Variants in TBC1D24 observed in about 807,000 individuals in gnomAD.
The protein encoded by TBC1D24 is TBC1 domain family member 24.
TBC1D24 carries 47 observed loss-of-function variants against 50.7 expected under a neutral mutation model. The observed-to-expected ratio is 0.93, with a 90% CI of 0.73 to 1.18. The LOEUF is 1.18. TBC1D24 is among the 50% of genes most tolerant of loss of function. The probability of loss-of-function intolerance (pLI) is 0.00; values close to 1 mark genes in which losing one functional copy is unlikely to be tolerated. For synonymous variants in TBC1D24, 324 were observed against 335.2 expected (o/e 0.97, Z 0.36); for missense variants, 688 against 766.5 (o/e 0.90, Z 1.21).
rs906069828 is a variant in TBC1D24 at position 2,487,506 on chromosome 16, G to A, written c.-115-8528G>A. Among the ~76,000 whole-genome samples the A allele has an allele frequency of 6.6e-5, 10 of 152,354 alleles. No homozygotes were observed. The highest frequency in any genetic ancestry group is 5.9e-4 in the Admixed American group (9 of 15,304). On this transcript the variant is annotated intron_variant, in intron 1 of 7. Transcript: ENST00000646147. This position sits in a 1 kb window ranked among gnomAD's most constrained non-coding sequence, Gnocchi z 4.1. ...TGTCTTTGTACATGAAAGAGAGTTT[G>A]TTTTCAAATCCGGTTGTTTGGGAAA...
rs2095330747 is a variant in TBC1D24 at position 2,483,103 on chromosome 16, AG to A, written c.-116+7940del. The stretch of plus-strand genomic sequence containing the variant: ...CCCCAGGAGGTGAGAGCCAGGACTG[AG>A]GGGGGGCCTTGGTCTGTGGTGGGAA... On this transcript the variant is annotated intron_variant, in intron 1 of 7. Coordinates refer to ENST00000646147, the MANE Select transcript of TBC1D24 (RefSeq NM_001199107.2). The surrounding 1 kb of genome is among the most constrained non-coding windows in gnomAD (Gnocchi z 4.0). 1.3e-5 allele frequency: 2 copies of A among 152,736 alleles called. No homozygotes were observed. The highest frequency in any genetic ancestry group is 2.4e-5 in the African/African-American group (1 of 41,356). The allele number at this position is 152,736 out of a possible 1,614,324, so 9.5% of individuals were successfully genotyped here. A position where few individuals can be genotyped will look rare whatever the true frequency, so the allele number is the denominator to read the frequency against.
Position 2,482,586 on chromosome 16 carries a change from G to T in TBC1D24, c.-116+7416G>T, listed in dbSNP as rs991832691. Among the ~76,000 whole-genome samples the T allele has an allele frequency of 4.6e-5, 7 of 152,156 alleles. No homozygotes were observed. The highest frequency in any genetic ancestry group is 1.0e-4 in the Non-Finnish European group (7 of 68,034). On this transcript the variant is annotated intron_variant, in intron 1 of 7. Coordinates refer to ENST00000646147, the MANE Select transcript of TBC1D24 (RefSeq NM_001199107.2). The surrounding 1 kb of genome is among the most constrained non-coding windows in gnomAD (Gnocchi z 5.2). ...AGGGGCTGGGTCCTGAAGGGCGGGG[G>T]ACACCAGGAGAGGGTTTCGGGTGGA... is the stretch of plus-strand genomic sequence containing the variant.
In TBC1D24 at chr16:2,475,148, T is replaced by G. The variant is rs2065554696; in HGVS notation, c.-138T>G. On this transcript the variant is annotated 5_prime_UTR_variant, in exon 1 of 8. Coordinates refer to ENST00000646147, the MANE Select transcript of TBC1D24 (RefSeq NM_001199107.2). The surrounding 1 kb of genome is among the most constrained non-coding windows in gnomAD (Gnocchi z 4.2). ...GCGCAGAAAGGCCGGCGCGGCAGGC[T>G]GAGGAGAAAGCGGCGCGCGGAGGTG... is the stretch of plus-strand genomic sequence containing the variant. 1 of 150,266 alleles carries G rather than the reference T, an allele frequency of 6.7e-6. No homozygotes were observed. Among genetic ancestry groups the G allele is most frequent in the African/African-American group, 2.4e-5 (1 of 40,992 alleles). The allele number at this position is 150,266 out of a possible 1,614,324, so 9.3% of individuals were successfully genotyped here.
chr16:2,489,915 C>G (rs899412026), intron 1 of TBC1D24, among the ~76,000 whole-genome samples: 1 of 152,230 alleles, frequency 6.6e-6, no homozygotes, highest in Non-Finnish European at 1.5e-5. Context: ...TTTCCCACTG[C>G]GCTTGGAATA....
At position 2,500,637 on chromosome 16, in the gene TBC1D24, A is replaced by C. The variant is rs2065785203; in HGVS notation, c.1525+147A>C. 2 of 1,295,098 alleles carry C rather than the reference A, an allele frequency of 1.5e-6. No homozygotes were observed. The highest frequency in any genetic ancestry group is 2.1e-6 in the Non-Finnish European group (2 of 952,112). 80.2% of individuals were successfully genotyped at this position (1,295,098 alleles called of 1,614,324 possible). A position where few individuals can be genotyped will look rare whatever the true frequency, so the allele number is the denominator to read the frequency against. On this transcript the variant is annotated intron_variant, in intron 7 of 7. Coordinates refer to ENST00000646147, the MANE Select transcript of TBC1D24 (RefSeq NM_001199107.2). This position sits in a 1 kb window ranked among gnomAD's most constrained non-coding sequence, Gnocchi z 8.0. ...GGCATGATGGGTGGGAGGGGGCTGG[A>C]AGGGAGAGACCAGCCTGGACAGCTG...
rs941566973 is a variant in TBC1D24, at chr16:2,487,427, C to T, written c.-115-8607C>T. ...GTCCCCAGGAAGGGAGGCACGGTGT[C>T]GGGGTTGGTGTTGGCCGTGTTAAAA... On this transcript the variant is annotated intron_variant, in intron 1 of 7. Coordinates refer to ENST00000646147, the MANE Select transcript of TBC1D24 (RefSeq NM_001199107.2). The surrounding 1 kb of genome is among the most constrained non-coding windows in gnomAD (Gnocchi z 4.1). Among the ~76,000 whole-genome samples the T allele has an allele frequency of 1.6e-4, 24 of 152,192 alleles. No individual in the cohort carries two copies. The highest frequency in any genetic ancestry group is 1.1e-3 in the Admixed American group (17 of 15,286).
chr16:2,498,929 C>T (rs896377574), intron 4 of TBC1D24, among the ~76,000 whole-genome samples: 1 of 152,262 alleles, frequency 6.6e-6, no homozygotes, highest in African/African-American at 2.4e-5. Context: ...ACAACTCAAG[C>T]ATTTTGGCAC....
rs998707315 is a variant in TBC1D24 at position 2,475,173 on chromosome 16, G to C, written c.-116+3G>C. 6.7e-6 allele frequency: 1 copy of C among 149,864 alleles called. No homozygotes were observed. Among genetic ancestry groups the C allele is most frequent in the African/African-American group, 2.4e-5 (1 of 41,094 alleles). The allele number at this position is 149,864 out of a possible 1,614,324, so 9.3% of individuals were successfully genotyped here. A position where few individuals can be genotyped will look rare whatever the true frequency, so the allele number is the denominator to read the frequency against. ...TGAGGAGAAAGCGGCGCGCGGAGGT[G>C]GGTGCGCTCGGGGCGTGCGGGGGGC... On this transcript the variant is annotated splice_donor_region_variant and intron_variant, in intron 1 of 7. Transcript: ENST00000646147. The surrounding 1 kb of genome is among the most constrained non-coding windows in gnomAD (Gnocchi z 4.2).
intron 3 of TBC1D24, 128 bp downstream of exon 3, chr16:2,497,855 G>A (rs1399766851): frequency 3.1e-5 from 29 of 939,332 alleles, no homozygotes; most frequent in South Asian, 2.1e-4. Flanking sequence ...CCTCTGAGCC[G>A]GACTGATGCT....
rs1400268258 is a variant in TBC1D24, at chr16:2,496,108, CT to C, written c.-39del. On this transcript the variant is annotated 5_prime_UTR_variant, in exon 2 of 8. Coordinates refer to ENST00000646147, the MANE Select transcript of TBC1D24 (RefSeq NM_001199107.2). ...GAGGATTTAGCCACTCTGTCCTCCC[CT>C]TCCGGCAGTCCAGGGCCTCCTCCCG... 1 of 1,612,398 alleles carries C rather than the reference CT, an allele frequency of 6.2e-7. No individual in the cohort carries two copies. Among genetic ancestry groups the C allele is most frequent in the East Asian group, 2.2e-5 (1 of 44,872 alleles).
At chr16:2,493,126 G>C (rs2065709673) in intron 1 of TBC1D24, among the ~76,000 whole-genome samples, 1 of 151,520 alleles carries the variant, frequency 6.6e-6, no homozygotes, top group South Asian at 2.1e-4. Flanking sequence ...GGCTAAAATG[G>C]TAAATTTTTT....
chr16:2,488,845 G>A (rs2065672382), intron 1 of TBC1D24, among the ~76,000 whole-genome samples: 1 of 147,342 alleles, frequency 6.8e-6, no homozygotes, highest in African/African-American at 2.5e-5. Flanking sequence ...TGGATCACGA[G>A]GTCAGGAGAT....
At chr16:2,497,157 G>A (rs751807071) in intron 2 of TBC1D24, 44 bp downstream of exon 2, 4 of 1,597,842 alleles carry the variant, frequency 2.5e-6, no homozygotes, top group South Asian at 1.1e-5. Flanking sequence ...AGGGTCGGGG[G>A]CTGGGGCAGG....
At position 2,505,141 on chromosome 16, in the gene TBC1D24, C is replaced by G. The variant is rs1331690341; in HGVS notation, c.*4183C>G. 2 of 152,188 alleles carry G rather than the reference C, an allele frequency of 1.3e-5. No homozygotes were observed. The highest frequency in any genetic ancestry group is 2.9e-5 in the Non-Finnish European group (2 of 68,020). The allele number at this position is 152,188 out of a possible 1,614,324, so 9.4% of individuals were successfully genotyped here. On this transcript the variant is annotated 3_prime_UTR_variant, in exon 8 of 8. Coordinates refer to ENST00000646147, the MANE Select transcript of TBC1D24 (RefSeq NM_001199107.2). Reference sequence around the variant, plus strand: ...CCAAACAAGCCTCATAGGCTCTTCACCCTACAACATCTATGTTAGGTAGAA... The same window carrying G: ...CCAAACAAGCCTCATAGGCTCTTCAGCCTACAACATCTATGTTAGGTAGAA...
At position 2,499,741 on chromosome 16, in the gene TBC1D24, C is replaced by A. The variant is rs763148800; in HGVS notation, c.1207-94C>A. ...TGGGAGACGGCAATGCCTGCACCCC[C>A]ACCTGTGACCTGGGACAGGCCCGTC... On this transcript the variant is annotated intron_variant, in intron 5 of 7. Coordinates refer to ENST00000646147, the MANE Select transcript of TBC1D24 (RefSeq NM_001199107.2). The surrounding 1 kb of genome is among the most constrained non-coding windows in gnomAD (Gnocchi z 4.0). 1.7e-5 allele frequency: 19 copies of A among 1,121,156 alleles called. No individual in the cohort carries two copies. The highest frequency in any genetic ancestry group is 4.2e-4 in the Middle Eastern group (2 of 4,798). The allele number at this position is 1,121,156 out of a possible 1,614,324, so 69.5% of individuals were successfully genotyped here. A position where few individuals can be genotyped will look rare whatever the true frequency, so the allele number is the denominator to read the frequency against.
In TBC1D24 at chr16:2,500,453, C is replaced by T; in HGVS notation, c.1488C>T (p.Ser496=). ...TCAACCTGCCCTCCAAGACCGAGTC[C>T]ATGTTCATGGCGGGGGGCAGCGACT... ...RHFNLPSKTE[S]MFMAGGSDCL... The change falls in exon 7 of 8, where the codon TCC becomes TCT. Residue 496 remains serine, a synonymous_variant. Transcript: ENST00000646147. This position sits in a 1 kb window ranked among gnomAD's most constrained non-coding sequence, Gnocchi z 8.0. The T allele has an allele frequency of 1.3e-6, 2 of 1,596,870 alleles. No homozygotes were observed. The highest frequency in any genetic ancestry group is 1.7e-6 in the Non-Finnish European group (2 of 1,172,468).
At chr16:2,490,132 G>T (rs1409404918) in intron 1 of TBC1D24, among the ~76,000 whole-genome samples, 1 of 152,190 alleles carries the variant, frequency 6.6e-6, no homozygotes, top group East Asian at 1.9e-4. Flanking sequence ...TAAAGTAGCT[G>T]TCACCCTCCA....
At chr16:2,489,740 G>C (rs1318778239) in intron 1 of TBC1D24, among the ~76,000 whole-genome samples, 1 of 152,300 alleles carries the variant, frequency 6.6e-6, no homozygotes, top group Admixed American at 6.5e-5. Flanking sequence ...GATGTCCCAG[G>C]CATTCTAGAA....
intron 1 of TBC1D24, among the ~76,000 whole-genome samples, chr16:2,495,340 C>T (rs1193098628): frequency 6.6e-6 from 1 of 152,098 alleles, no homozygotes; most frequent in Non-Finnish European, 1.5e-5. Flanking sequence ...AGCACAAGAC[C>T]TTGTCTCAAA....
Sources: gnomAD v4.1 joint callset for allele counts (sites outside exome capture counted in the v4.1 genomes callset) on GRCh38, gnomAD v4.1.1 for gene constraint, Gnocchi (gnomAD v3.1) non-coding constraint, MANE v1.5 for transcripts, NCBI Gene and HGNC (gene_info 2026-07-23, HGNC 2026-07-21) for gene names.